Variants in LRRC9 observed in about 807,000 individuals in gnomAD.
The protein encoded by LRRC9 is leucine rich repeat containing 9, also known as leucine-rich repeat-containing protein 9.
In LRRC9, 122 loss-of-function variants were observed where a neutral mutation model predicts 63.2. The observed-to-expected ratio is 1.93, with a 90% CI of 1.67 to 2.24. LRRC9 has a LOEUF of 2.24. Ranked by LOEUF, LRRC9 falls within the 30% of genes most tolerant of loss-of-function variation. The pLI is 0.00. For synonymous variants in LRRC9, 366 were observed against 213.1 expected (o/e 1.72, Z -6.25); for missense variants, 1,071 against 627.7 (o/e 1.71, Z -7.55).
At chr14:60,063,226 A>T (rs1261236263) in intron 31 of LRRC9, 97 bp from the exon 33 acceptor site, 1 of 661,538 alleles carries the variant, frequency 1.5e-6, no homozygotes, top group Non-Finnish European at 2.7e-6. Flanking sequence ...CACATCTAAA[A>T]TACAGAAATT....
chr14:59,963,938 TA>T (rs1181140937), intron 10 of LRRC9, among the ~76,000 whole-genome samples: 8 of 152,218 alleles, frequency 5.3e-5, no homozygotes, highest in Non-Finnish European at 1.0e-4. Context: ...CTACATTTGC[TA>T]AATGAGCACA....
intron 12 of LRRC9, 124 bp downstream of exon 12, chr14:59,967,337 A>G (rs935459368): frequency 2.1e-6 from 1 of 465,936 alleles, no homozygotes; most frequent in Non-Finnish European, 3.9e-6. Flanking sequence ...CTGTTTCACA[A>G]AAAGCTTAGT....
intron 23 of LRRC9, among the ~76,000 whole-genome samples, chr14:60,013,896 T>TA (rs1353385292): frequency 2.6e-5 from 4 of 152,172 alleles, no homozygotes; most frequent in Admixed American, 1.3e-4. Context: ...GAAGACCATT[T>TA]ATATTTACTA....
At chr14:60,048,530 GA>G (rs777528951) in intron 29 of LRRC9, among the ~76,000 whole-genome samples, 2 of 152,074 alleles carry the variant, frequency 1.3e-5, no homozygotes, top group Non-Finnish European at 2.9e-5. Context: ...ACATGAACTA[GA>G]AAATCTAGAA....
chr14:60,010,500 A>G (rs1890177767), intron 23 of LRRC9, among the ~76,000 whole-genome samples: 1 of 152,096 alleles, frequency 6.6e-6, no homozygotes, highest in Non-Finnish European at 1.5e-5. Context: ...CTGTGATGGG[A>G]GTGGCTGCTG....
intron 29 of LRRC9, among the ~76,000 whole-genome samples, chr14:60,049,045 T>C (rs1478614227): frequency 6.6e-6 from 1 of 152,192 alleles, no homozygotes; most frequent in African/African-American, 2.4e-5. Context: ...CATAATTATT[T>C]CAATAGATGT....
intron 23 of LRRC9, among the ~76,000 whole-genome samples, chr14:60,015,070 G>C (rs567450930): frequency 6.6e-6 from 1 of 152,006 alleles, no homozygotes; most frequent in Admixed American, 6.5e-5. Flanking sequence ...CTGCTATTGA[G>C]TCCCTATCCA....
rs1173427524 is a variant in LRRC9, at chr14:60,017,888, C to T, written c.3318-483C>T. Among the ~76,000 whole-genome samples, 1 of 152,188 alleles carries T rather than the reference C, an allele frequency of 6.6e-6. No individual in the cohort carries two copies. The highest frequency in any genetic ancestry group is 6.5e-5 in the Admixed American group (1 of 15,270). Reference sequence around the variant, plus strand: ...CCATAAAAGTTTCCAGAAGATACCACAGAAACTCTATTTTCAAAGACCTTA... The same window carrying T: ...CCATAAAAGTTTCCAGAAGATACCATAGAAACTCTATTTTCAAAGACCTTA... On this transcript the variant is annotated intron_variant, in intron 24 of 31. Coordinates refer to ENST00000445360, the Ensembl canonical transcript of LRRC9. This position sits in a 1 kb window ranked among gnomAD's most constrained non-coding sequence, Gnocchi z 4.0.
At chr14:59,993,330 A>G (rs1366429227) in intron 17 of LRRC9, among the ~76,000 whole-genome samples, 3 of 152,200 alleles carry the variant, frequency 2.0e-5, no homozygotes, top group Non-Finnish European at 2.9e-5. Context: ...ATGGAAAGGA[A>G]CAACCGGTAC....
Position 59,942,207 on chromosome 14 carries a change from GAT to G in LRRC9, c.727-2371_727-2370del, listed in dbSNP as rs886413598. Reference sequence around the variant, plus strand: ...ATACACATATGTGTGTGTGTAATGTGATATATATATATTACATTTTCTTTATC... The same window carrying G: ...ATACACATATGTGTGTGTGTAATGTGATATATATATTACATTTTCTTTATC... On this transcript the variant is annotated intron_variant, in intron 7 of 31. Transcript: ENST00000445360. This position sits in a 1 kb window ranked among gnomAD's most constrained non-coding sequence, Gnocchi z 5.3. Among the ~76,000 whole-genome samples the G allele has an allele frequency of 6.6e-6, 1 of 151,810 alleles. No individual in the cohort carries two copies. The highest frequency in any genetic ancestry group is 6.6e-5 in the Admixed American group (1 of 15,206).
chr14:60,016,600 G>A, intron 23 of LRRC9, 60 bp from the exon 24 acceptor site: 3 of 633,824 alleles, frequency 4.7e-6, no homozygotes, highest in South Asian at 3.5e-5. Flanking sequence ...TAAAACCAGA[G>A]AACTATGTAA....
intron 6 of LRRC9, among the ~76,000 whole-genome samples, chr14:59,935,024 G>A (rs988569163): frequency 2.0e-5 from 3 of 151,382 alleles, no homozygotes; most frequent in Non-Finnish European, 2.9e-5. Flanking sequence ...GGTGGCTCAC[G>A]CCTATAATCC....
In LRRC9 at chr14:59,927,529, A is replaced by G. The variant is rs888115067; in HGVS notation, c.-33-382A>G. Among the ~76,000 whole-genome samples, 1 of 152,074 alleles carries G rather than the reference A, an allele frequency of 6.6e-6. No individual in the cohort carries two copies. Among genetic ancestry groups the G allele is most frequent in the Non-Finnish European group, 1.5e-5 (1 of 67,930 alleles). On this transcript the variant is annotated intron_variant, in intron 1 of 31. Coordinates refer to ENST00000445360, the Ensembl canonical transcript of LRRC9. This position sits in a 1 kb window ranked among gnomAD's most constrained non-coding sequence, Gnocchi z 4.4. ...ACACCGCAGTGTAATACAAAGGACA[A>G]CTAGAGCCTGTTCAAAGGAGAGAAA...
At chr14:60,055,922 G>C (rs1894251246) in intron 30 of LRRC9, among the ~76,000 whole-genome samples, 1 of 124,898 alleles carries the variant, frequency 8.0e-6, no homozygotes, top group Admixed American at 8.1e-5. Context: ...AAAAAAAAAA[G>C]TATTGGCAGG....
intron 29 of LRRC9, among the ~76,000 whole-genome samples, chr14:60,049,908 C>T (rs983411193): frequency 1.3e-5 from 2 of 152,038 alleles, no homozygotes; most frequent in Admixed American, 6.6e-5. Context: ...GTCATAGGTT[C>T]GATCTTTTTA....
In LRRC9 at chr14:59,978,031, C is replaced by T. The variant is rs778831452; in HGVS notation, c.1777C>T (p.Gln593Ter). 1.4e-5 allele frequency: 10 copies of T among 700,222 alleles called. 1 individual carries two copies. The South Asian group carries it at 1.5e-4, about 10-fold the overall frequency. 43.4% of individuals were successfully genotyped at this position (700,222 alleles called of 1,614,324 possible). Residue 593 changes from glutamine (Q) to a stop codon, truncating the protein, a stop_gained, in exon 15 of 32, where the codon CAA becomes TAA. Transcript: ENST00000445360. LOFTEE classifies it high-confidence loss of function. Reference sequence around the variant, plus strand: ...TTTTACTCTAGATTCTGTCATGGGACAAAGAAACTGTGATTGCAGTGTTCG... The same window carrying T: ...TTTTACTCTAGATTCTGTCATGGGATAAAGAAACTGTGATTGCAGTGTTCG...
intron 8 of LRRC9, among the ~76,000 whole-genome samples, chr14:59,947,960 C>A (rs530206800): frequency 2.6e-5 from 4 of 151,954 alleles, no homozygotes; most frequent in African/African-American, 9.7e-5. Context: ...CAGCTTTGTT[C>A]TTTTGGCTTC....
chr14:59,919,818 C>G lies in LRRC9; in HGVS notation c.-99C>G, dbSNP rs1888604130. ...GAGAGAGCGAGACTGGAGGAGGTAA[C>G]GAATAAGTCCCCACCACCTTGCCCA... On this transcript the variant is annotated 5_prime_UTR_variant, in exon 1 of 32. Coordinates refer to ENST00000445360, the Ensembl canonical transcript of LRRC9. This position sits in a 1 kb window ranked among gnomAD's most constrained non-coding sequence, Gnocchi z 4.5. 1 of 152,364 alleles carries G rather than the reference C, an allele frequency of 6.6e-6. No individual in the cohort carries two copies. Among genetic ancestry groups the G allele is most frequent in the Admixed American group, 6.5e-5 (1 of 15,282 alleles). The allele number at this position is 152,364 out of a possible 1,614,324, so 9.4% of individuals were successfully genotyped here. A position where few individuals can be genotyped will look rare whatever the true frequency, so the allele number is the denominator to read the frequency against.
Position 59,962,563 on chromosome 14 carries a change from C to T in LRRC9, c.1211+1518C>T, listed in dbSNP as rs1266419817. On this transcript the variant is annotated intron_variant, in intron 10 of 31. Coordinates refer to ENST00000445360, the Ensembl canonical transcript of LRRC9. The surrounding 1 kb of genome is among the most constrained non-coding windows in gnomAD (Gnocchi z 5.1). ...AGATTATAGGTGCATGCCACCACAC[C>T]CACTAATTTTTGTATTTTTAGTGGA... 1.3e-5 allele frequency among the ~76,000 whole-genome samples: 2 copies of T among 151,944 alleles called. No individual in the cohort carries two copies. Among genetic ancestry groups the T allele is most frequent in the Non-Finnish European group, 2.9e-5 (2 of 67,990 alleles).
Sources: allele counts gnomAD v4.1 joint callset (sites outside exome capture counted in the v4.1 genomes callset), GRCh38; gene constraint gnomAD v4.1.1; non-coding constraint Gnocchi (gnomAD v3.1); transcripts MANE v1.5; gene names NCBI Gene and HGNC (gene_info 2026-07-23, HGNC 2026-07-21).